Variants in ZNF385D observed in about 807,000 individuals in gnomAD.
ZNF385D encodes the protein zinc finger protein 659.
A neutral mutation model predicts 35.8 loss-of-function variants in ZNF385D; 15 were observed. The ratio of observed to expected loss-of-function variants is 0.42; its 90% CI spans 0.28 to 0.64. The LOEUF (loss-of-function observed/expected upper bound fraction) is 0.64, where lower values mean the gene tolerates loss of function less well. Among genes scored for constraint, ZNF385D ranks in the 30% least tolerant of loss-of-function variants. The probability of loss-of-function intolerance (pLI) is 0.23; values close to 1 mark genes in which losing one functional copy is unlikely to be tolerated. For missense variants in ZNF385D, 474 were observed against 494.6 expected, an observed-to-expected ratio of 0.96 and a Z score of 0.39; for synonymous variants, 212 against 186.8, an observed-to-expected ratio of 1.13 and a Z score of -1.10.
chr3:21,492,507 G>A (rs1705508262), intron 4 of ZNF385D, among the ~76,000 whole-genome samples: 1 of 151,286 alleles, frequency 6.6e-6, no homozygotes, highest in Admixed American at 6.6e-5. Context: ...AAATGGCCGG[G>A]CATGGTGGCT....
intron 3 of ZNF385D, among the ~76,000 whole-genome samples, chr3:21,836,550 C>T (rs897514459): frequency 6.6e-6 from 1 of 151,960 alleles, no homozygotes; most frequent in Non-Finnish European, 1.5e-5. Context: ...CAAAAGTTGC[C>T]AAACTTTTTC....
chr3:21,883,733 C>G (rs149173088), intron 3 of ZNF385D, among the ~76,000 whole-genome samples: 2 of 152,156 alleles, frequency 1.3e-5, no homozygotes, highest in Admixed American at 1.3e-4. Flanking sequence ...TTGTTACATT[C>G]CATCAGATTG....
chr3:21,592,800 TCAAA>T (rs2064021759), intron 2 of ZNF385D, among the ~76,000 whole-genome samples: 3 of 152,276 alleles, frequency 2.0e-5, no homozygotes, highest in South Asian at 4.1e-4. Flanking sequence ...TTAGAATCTG[TCAAA>T]CAAAGTACAA....
intron 4 of ZNF385D, among the ~76,000 whole-genome samples, chr3:21,477,394 T>G (rs1323991352): frequency 6.6e-6 from 1 of 152,026 alleles, no homozygotes; most frequent in Non-Finnish European, 1.5e-5. Context: ...GCCACTGTAC[T>G]TCAGCCTGGG....
chr3:22,145,655 T>C (rs1704802187), intron 3 of ZNF385D, among the ~76,000 whole-genome samples: 1 of 152,200 alleles, frequency 6.6e-6, no homozygotes, highest in Non-Finnish European at 1.5e-5. Context: ...AAAACTAGCT[T>C]AACTGGGATG....
chr3:22,104,212 T>C (rs1290548927), intron 3 of ZNF385D, among the ~76,000 whole-genome samples: 1 of 152,120 alleles, frequency 6.6e-6, no homozygotes, highest in Non-Finnish European at 1.5e-5. Context: ...AGCAGGTGCA[T>C]CTGTGAAAAC....
intron 3 of ZNF385D, among the ~76,000 whole-genome samples, chr3:22,036,207 T>A (rs1698306604): frequency 6.6e-6 from 1 of 152,008 alleles, no homozygotes; most frequent in Non-Finnish European, 1.5e-5. Flanking sequence ...TTCATGGGGG[T>A]GAAGGTACTC....
chr3:22,357,273 T>C (rs552043437), intron 2 of ZNF385D, among the ~76,000 whole-genome samples: 2 of 152,052 alleles, frequency 1.3e-5, no homozygotes, highest in East Asian at 3.9e-4. Flanking sequence ...TTCTGAATTA[T>C]AGTAATAAAT....
At chr3:21,792,026 C>G (rs2071951433) in intron 3 of ZNF385D, among the ~76,000 whole-genome samples, 1 of 152,298 alleles carries the variant, frequency 6.6e-6, no homozygotes, top group Middle Eastern at 3.4e-3. Context: ...AGCCACTGTG[C>G]CCGGCCCTAA....
chr3:21,941,585 C>T lies in ZNF385D; in HGVS notation c.325+227232G>A, dbSNP rs551398873. On this transcript the variant is annotated intron_variant, in intron 3 of 5. Transcript: ENST00000494108. ...TGATCTCGGCTCACTGCAACCTCCG[C>T]CTCCCGGGTTCACGCCATTCTCCTG... Among the ~76,000 whole-genome samples, 9 of 150,366 alleles carry T rather than the reference C, an allele frequency of 6.0e-5. No individual in the cohort carries two copies. The South Asian group carries it at 1.9e-3, about 32-fold the overall frequency.
intron 3 of ZNF385D, chr3:21,961,425 C>CA (rs761143711): frequency 7.9e-4 from 120 of 151,214 alleles, no homozygotes; most frequent in Non-Finnish European, 1.1e-3. Flanking sequence ...GGTATTTTGC[C>CA]AAAAAAATTG....
At chr3:21,559,547 T>C (rs943348746) in intron 3 of ZNF385D, among the ~76,000 whole-genome samples, 3 of 152,232 alleles carry the variant, frequency 2.0e-5, no homozygotes, top group Admixed American at 6.5e-5. Flanking sequence ...TCTGATGGGC[T>C]TCCCTTTGTG....
In ZNF385D at chr3:21,488,346, G is replaced by GACAC. The variant is rs4045132; in HGVS notation, c.439+22511_439+22514dup. Among the ~76,000 whole-genome samples, 1,197 of 150,722 alleles carry GACAC rather than the reference G, an allele frequency of 7.9e-3. 12 individuals are homozygous for GACAC. Among genetic ancestry groups the GACAC allele is most frequent in the African/African-American group, 0.028 (1,140 of 41,114 alleles). ...CTAATAAGCTACACACAGACACACA[G>GACAC]ACACACACACACACACACATACACT... On this transcript the variant is annotated intron_variant, in intron 4 of 7. Coordinates refer to ENST00000281523, the MANE Select transcript of ZNF385D (RefSeq NM_024697.3).
chr3:21,850,275 A>G (rs1046399549), intron 3 of ZNF385D, among the ~76,000 whole-genome samples: 2 of 152,122 alleles, frequency 1.3e-5, no homozygotes, highest in Non-Finnish European at 2.9e-5. Flanking sequence ...TTAAACAATT[A>G]TTTTCCAACA....
intron 3 of ZNF385D, among the ~76,000 whole-genome samples, chr3:21,902,104 TC>T (rs1699444198): frequency 6.6e-6 from 1 of 152,178 alleles, no homozygotes. Context: ...ATTAAAAGTT[TC>T]TTTCATTCAT....
At chr3:21,816,883 C>G (rs879198474) in intron 3 of ZNF385D, among the ~76,000 whole-genome samples, 1 of 152,162 alleles carries the variant, frequency 6.6e-6, no homozygotes, top group South Asian at 2.1e-4. Context: ...CAAGACAATC[C>G]TAAGCCAAAA....
At chr3:21,528,936 AAAG>A in intron 3 of ZNF385D, among the ~76,000 whole-genome samples, 1 of 152,188 alleles carries the variant, frequency 6.6e-6, no homozygotes, top group East Asian at 1.9e-4. Flanking sequence ...GCCTTAAGAA[AAAG>A]AAGAATATAA....
intron 2 of ZNF385D, among the ~76,000 whole-genome samples, chr3:22,235,199 A>T (rs1450659594): frequency 6.6e-6 from 1 of 152,070 alleles, no homozygotes; most frequent in African/African-American, 2.4e-5. Flanking sequence ...GCCAGACCCA[A>T]AATCTGTGCA....
At chr3:22,172,078 G>A (rs1016634245) in intron 2 of ZNF385D, among the ~76,000 whole-genome samples, 3 of 151,956 alleles carry the variant, frequency 2.0e-5, no homozygotes, top group Admixed American at 6.6e-5. Flanking sequence ...ATACATAAAC[G>A]TTAGGTGACT....
Sources: gnomAD v4.1 joint callset for allele counts (sites outside exome capture counted in the v4.1 genomes callset) on GRCh38, gnomAD v4.1.1 for gene constraint, MANE v1.5 for transcripts, NCBI Gene and HGNC (gene_info 2026-07-23, HGNC 2026-07-21) for gene names.